FCF1: variants seen among roughly 807,000 people sequenced by gnomAD.
FCF1 encodes FCF1 rRNA-processing protein, also known as rRNA-processing protein FCF1 homolog.
Under a neutral mutation model 32.5 loss-of-function variants are expected in FCF1, and 17 were observed. The observed-to-expected ratio is 0.52, with a 90% CI of 0.36 to 0.78. The LOEUF is 0.78. FCF1 is among the 30% of genes least tolerant of loss of function. The pLI, the probability that FCF1 is intolerant of heterozygous loss-of-function variation, is 0.00. For missense variants in FCF1, 201 were observed against 241.1 expected, an observed-to-expected ratio of 0.83 and a Z score of 1.10; for synonymous variants, 84 against 78.4, an observed-to-expected ratio of 1.07 and a Z score of -0.38.
intron 5 of FCF1, among the ~76,000 whole-genome samples, chr14:74,731,689 C>G (rs956737388): frequency 1.3e-5 from 2 of 152,304 alleles, no homozygotes; most frequent in Admixed American, 1.3e-4. Context: ...ATTTGGTACC[C>G]TCACATTGCT....
Position 74,735,143 on chromosome 14 carries a change from G to C in FCF1, c.*213G>C. On this transcript the variant is annotated 3_prime_UTR_variant, in exon 8 of 8. Transcript: ENST00000341162. ...AGTTACCTTTTAAGCATTTTGTGGG[G>C]CCGCGGGGGTTGGGGGGAATCTGTG... 6.8e-6 allele frequency: 3 copies of C among 444,234 alleles called. No homozygotes were observed. The highest frequency in any genetic ancestry group is 8.1e-6 in the Non-Finnish European group (2 of 245,644). The allele number at this position is 444,234 out of a possible 1,614,324, so 27.5% of individuals were successfully genotyped here. A position where few individuals can be genotyped will look rare whatever the true frequency, so the allele number is the denominator to read the frequency against.
In FCF1 at chr14:74,719,300, A is replaced by C. The variant is rs1380293695; in HGVS notation, c.292+3201A>C. ...ACAGAGCAAGACCCTGTCTTTAAAAAAAAAAAAAAGAAGAAGAAGAAGAAA... is the reference window on the plus strand; with the variant it reads ...ACAGAGCAAGACCCTGTCTTTAAAACAAAAAAAAAGAAGAAGAAGAAGAAA... On this transcript the variant is annotated intron_variant, in intron 4 of 7. Transcript: ENST00000341162. Among the ~76,000 whole-genome samples the C allele has an allele frequency of 4.7e-5, 7 of 148,556 alleles. No individual in the cohort carries two copies. In the East Asian group the frequency reaches 1.4e-3, roughly 29 times the overall value.
intron 5 of FCF1, among the ~76,000 whole-genome samples, chr14:74,725,676 T>C (rs2090568101): frequency 6.6e-6 from 1 of 151,898 alleles, no homozygotes; most frequent in Non-Finnish European, 1.5e-5. Flanking sequence ...GGCTCACGCC[T>C]GTAATCCCAG....
chr14:74,720,913 C>CT (rs1200586089), intron 4 of FCF1, among the ~76,000 whole-genome samples: 6 of 147,120 alleles, frequency 4.1e-5, no homozygotes, highest in Admixed American at 3.4e-4. Flanking sequence ...GGCTGTCACT[C>CT]TGTCACCCAG....
intron 4 of FCF1, among the ~76,000 whole-genome samples, chr14:74,722,613 A>G (rs1223622285): frequency 2.6e-5 from 4 of 151,664 alleles, no homozygotes; most frequent in Non-Finnish European, 5.9e-5. Context: ...GGCTAATTTC[A>G]TGGTTTCTTG....
intron 5 of FCF1, among the ~76,000 whole-genome samples, chr14:74,729,245 G>A (rs1433835413): frequency 6.6e-6 from 1 of 152,012 alleles, no homozygotes; most frequent in Non-Finnish European, 1.5e-5. Flanking sequence ...ACTCTTTTTG[G>A]TTGGTAAGCT....
At chr14:74,728,631 A>G (rs922349937) in intron 5 of FCF1, among the ~76,000 whole-genome samples, 1 of 151,824 alleles carries the variant, frequency 6.6e-6, no homozygotes, top group African/African-American at 2.4e-5. Flanking sequence ...AGAACTTCCA[A>G]CACTATGTTG....
chr14:74,717,511 T>C (rs1469504762), intron 4 of FCF1, among the ~76,000 whole-genome samples: 2 of 152,216 alleles, frequency 1.3e-5, no homozygotes, highest in Non-Finnish European at 2.9e-5. Flanking sequence ...CCATTGTTTT[T>C]TCATATAGGC....
In FCF1 at chr14:74,714,940, A is replaced by G. The variant is rs1416683290; in HGVS notation, c.140A>G (p.Glu47Gly). The change falls in exon 3 of 8, where the codon GAA becomes GGA. Residue 47 changes from glutamate to glycine, a missense_variant. Glu to Gly is a moderately conservative substitution (Grantham distance 98). Coordinates refer to ENST00000341162, the MANE Select transcript of FCF1 (RefSeq NM_015962.5). ...GATCCCAGCGCATTAAAGGAAAGAG[A>G]AGTGTGAGTAATCAAACGTTTGAAG... Reference protein sequence around the residue: ...KKDPSALKEREVPQHPSCLFF... With the variant: ...KKDPSALKERGVPQHPSCLFF... 8 of 1,593,246 alleles carry G rather than the reference A, an allele frequency of 5.0e-6. No homozygotes were observed. The highest frequency in any genetic ancestry group is 6.8e-6 in the Non-Finnish European group (8 of 1,173,204).
intron 4 of FCF1, among the ~76,000 whole-genome samples, chr14:74,721,861 A>T (rs1479469687): frequency 6.6e-6 from 1 of 152,128 alleles, no homozygotes; most frequent in East Asian, 1.9e-4. Flanking sequence ...TGTAGTAAAT[A>T]TCCTTATGAA....
In FCF1 at chr14:74,736,513, A is replaced by G. The variant is rs1408717813; in HGVS notation, c.*1583A>G. The G allele has an allele frequency of 6.6e-6, 1 of 152,178 alleles. No individual in the cohort carries two copies. Among genetic ancestry groups the G allele is most frequent in the Non-Finnish European group, 1.5e-5 (1 of 68,034 alleles). The allele number at this position is 152,178 out of a possible 1,614,324, so 9.4% of individuals were successfully genotyped here. On this transcript the variant is annotated 3_prime_UTR_variant, in exon 8 of 8. Coordinates refer to ENST00000341162, the MANE Select transcript of FCF1 (RefSeq NM_015962.5). Reference sequence around the variant, plus strand: ...TTCTGTTGTACAGTGTGGTGCCTATACTTAATAATGGGGTATTATACATTT... The same window carrying G: ...TTCTGTTGTACAGTGTGGTGCCTATGCTTAATAATGGGGTATTATACATTT...
Position 74,715,009 on chromosome 14 carries a change from C to G in FCF1, c.143+66C>G. ...GACCTCTTAGAAATCCAGGCTTTCC[C>G]TGAGCTGGTTTGCTAACTTATTTGT... On this transcript the variant is annotated intron_variant, in intron 3 of 7. Transcript: ENST00000341162. The G allele has an allele frequency of 5.3e-6, 8 of 1,499,078 alleles. No homozygotes were observed. In the South Asian group the frequency reaches 1.0e-4, roughly 20 times the overall value. The allele number at this position is 1,499,078 out of a possible 1,614,324, so 92.9% of individuals were successfully genotyped here. A position where few individuals can be genotyped will look rare whatever the true frequency, so the allele number is the denominator to read the frequency against.
chr14:74,732,743 T>C lies in FCF1; in HGVS notation c.378T>C (p.Asp126=). 6.2e-7 allele frequency: 1 copy of C among 1,611,910 alleles called. No individual in the cohort carries two copies. The highest frequency in any genetic ancestry group is 8.5e-7 in the Non-Finnish European group (1 of 1,178,608). ...AATCCACCTACAGGATTGCCAAGGATCCAAGATTTGAACGATTACCATGTA... is the reference window on the plus strand; with the variant it reads ...AATCCACCTACAGGATTGCCAAGGACCCAAGATTTGAACGATTACCATGTA... ...KYRVALRIAK[D]PRFERLPCTH... is the part of the protein sequence containing the mutation. The change falls in exon 6 of 8, where the codon GAT becomes GAC. Residue 126 remains aspartate (D), a synonymous_variant. Transcript: ENST00000341162.
intron 2 of FCF1, 149 bp from the exon 3 acceptor site, chr14:74,714,723 A>C (rs2140016702): frequency 1.9e-6 from 2 of 1,079,824 alleles, no homozygotes; most frequent in East Asian, 5.5e-5. Flanking sequence ...TTGCTCAGAA[A>C]GAGTATGCTG....
chr14:74,725,902 C>G (rs937058848), intron 5 of FCF1, among the ~76,000 whole-genome samples: 38 of 150,628 alleles, frequency 2.5e-4, no homozygotes, highest in Non-Finnish European at 2.4e-4. Flanking sequence ...CGCCACTGCA[C>G]TCCAGCCTGG....
chr14:74,717,130 C>T (rs566269826), intron 4 of FCF1, among the ~76,000 whole-genome samples: 1 of 152,300 alleles, frequency 6.6e-6, no homozygotes, highest in East Asian at 1.9e-4. Context: ...GAGGCCAAAG[C>T]AGGCGGATCA....
intron 4 of FCF1, among the ~76,000 whole-genome samples, chr14:74,719,161 C>T (rs552973832): frequency 8.4e-5 from 12 of 142,382 alleles, no homozygotes; most frequent in African/African-American, 2.7e-4. Flanking sequence ...AAGCATGCAT[C>T]GTGGCATGCA....
intron 5 of FCF1, 31 bp downstream of exon 5, chr14:74,723,375 G>A (rs1253740163): frequency 2.0e-6 from 3 of 1,471,576 alleles, no homozygotes; most frequent in East Asian, 4.6e-5. Flanking sequence ...ATCTGTTCTA[G>A]ATTGGTATAC....
intron 5 of FCF1, among the ~76,000 whole-genome samples, chr14:74,725,426 GCTGAGGTCATGCCA>G (rs2090563298): frequency 7.2e-6 from 1 of 139,504 alleles, no homozygotes; most frequent in Non-Finnish European, 1.5e-5. Flanking sequence ...GTTTCAGTGA[GCTGAGGTCATGCCA>G]CTGTACTCCA....
Sources: allele counts gnomAD v4.1 joint callset (sites outside exome capture counted in the v4.1 genomes callset), GRCh38; gene constraint gnomAD v4.1.1; transcripts MANE v1.5; gene names NCBI Gene and HGNC (gene_info 2026-07-23, HGNC 2026-07-21).